SYT1: variants seen among roughly 807,000 people sequenced by gnomAD.
The protein encoded by SYT1 is synaptotagmin-1.
Under a neutral mutation model 44.8 loss-of-function variants are expected in SYT1, and 8 were observed. The observed-to-expected ratio is 0.18, with a 90% CI of 0.10 to 0.32. The LOEUF is 0.32. Ranked by LOEUF, SYT1 falls within the 10% of genes least tolerant of loss-of-function variation. SYT1 has a pLI of 1.00. For missense variants in SYT1, 286 were observed against 509.3 expected (o/e 0.56, Z 4.22); for synonymous variants, 154 against 188.8 (o/e 0.82, Z 1.51).
At chr12:79,105,087 A>T (rs1368111706) in intron 3 of SYT1, among the ~76,000 whole-genome samples, 1 of 152,200 alleles carries the variant, frequency 6.6e-6, no homozygotes, top group Non-Finnish European at 1.5e-5. Flanking sequence ...GCCAAAATAC[A>T]ATTCAAAACA....
intron 3 of SYT1, among the ~76,000 whole-genome samples, chr12:79,093,407 T>C (rs1215775622): frequency 6.6e-6 from 1 of 151,724 alleles, no homozygotes; most frequent in Non-Finnish European, 1.5e-5. Flanking sequence ...TTAACCCAGT[T>C]TTTCTAAGTA....
intron 1 of SYT1, among the ~76,000 whole-genome samples, chr12:78,917,325 C>T (rs1042128698): frequency 2.0e-5 from 3 of 151,958 alleles, no homozygotes; most frequent in Admixed American, 1.3e-4. Flanking sequence ...ATCATCCTGT[C>T]TTCTGAATGT....
intron 3 of SYT1, among the ~76,000 whole-genome samples, chr12:79,084,433 T>G (rs947950064): frequency 6.6e-6 from 1 of 152,142 alleles, no homozygotes; most frequent in Non-Finnish European, 1.5e-5. Flanking sequence ...CAAATAACCA[T>G]GCAGTGGTGA....
chr12:78,986,804 G>C (rs2137464250), intron 2 of SYT1, among the ~76,000 whole-genome samples: 1 of 152,036 alleles, frequency 6.6e-6, no homozygotes, highest in African/African-American at 2.4e-5. Flanking sequence ...GTGATGAGTT[G>C]TTCTCCATAT....
chr12:78,885,654 T>C (rs1195792164), intron 1 of SYT1, among the ~76,000 whole-genome samples: 1 of 151,940 alleles, frequency 6.6e-6, no homozygotes, highest in Non-Finnish European at 1.5e-5. Context: ...GTGGGCCAGG[T>C]GCTGCAGGCT....
intron 9 of SYT1, among the ~76,000 whole-genome samples, chr12:79,437,661 C>T (rs1870168906): frequency 6.6e-6 from 1 of 152,130 alleles, no homozygotes; most frequent in Non-Finnish European, 1.5e-5. Context: ...TCCAAGTTTA[C>T]TTTATATTAT....
At chr12:79,368,559 G>GT (rs1883649360) in intron 9 of SYT1, among the ~76,000 whole-genome samples, 1 of 149,864 alleles carries the variant, frequency 6.7e-6, no homozygotes, top group South Asian at 2.2e-4. Context: ...TCCAGCACCT[G>GT]TTGTTTCCTG....
intron 2 of SYT1, among the ~76,000 whole-genome samples, chr12:79,043,419 G>T (rs1408985344): frequency 5.4e-5 from 8 of 148,116 alleles, no homozygotes; most frequent in Non-Finnish European, 1.5e-5. Context: ...TTGGTTTAAA[G>T]TCTGTTTTAT....
intron 4 of SYT1, among the ~76,000 whole-genome samples, chr12:79,245,310 A>G (rs1876768334): frequency 6.7e-6 from 1 of 149,240 alleles, no homozygotes; most frequent in African/African-American, 2.5e-5. Context: ...TACAAAAAAA[A>G]AAAAAAAAAA....
At chr12:79,448,247 T>G (rs1461958123) in intron 10 of SYT1, among the ~76,000 whole-genome samples, 1 of 152,198 alleles carries the variant, frequency 6.6e-6, no homozygotes, top group East Asian at 1.9e-4. Context: ...CCAGATACAT[T>G]GTAGTTACTC....
At chr12:79,203,186 T>C (rs544409741) in intron 3 of SYT1, among the ~76,000 whole-genome samples, 1 of 152,254 alleles carries the variant, frequency 6.6e-6, no homozygotes, top group African/African-American at 2.4e-5. Flanking sequence ...GTAAGGGAAA[T>C]GTATTATTTT....
chr12:78,958,736 T>C (rs528628275), intron 1 of SYT1, among the ~76,000 whole-genome samples: 96 of 152,076 alleles, frequency 6.3e-4, no homozygotes, highest in African/African-American at 2.3e-3. Flanking sequence ...TTTATGGTGA[T>C]TGAGTTTTAT....
At chr12:79,218,225 T>G (rs1918195) in intron 4 of SYT1, among the ~76,000 whole-genome samples, 106,698 of 151,888 alleles carry the variant, frequency 0.7, 37,939 homozygotes, top group African/African-American at 0.77. Flanking sequence ...TGACATTTAA[T>G]TTTTTAATTT....
At chr12:79,318,060 C>T (rs543475512) in intron 8 of SYT1, among the ~76,000 whole-genome samples, 13 of 152,194 alleles carry the variant, frequency 8.5e-5, no homozygotes, top group African/African-American at 2.6e-4. Flanking sequence ...TGTATGGTTC[C>T]CTAAATGTAC....
At chr12:79,373,181 G>A (rs1235123195) in intron 9 of SYT1, among the ~76,000 whole-genome samples, 2 of 152,110 alleles carry the variant, frequency 1.3e-5, no homozygotes, top group Admixed American at 1.3e-4. Flanking sequence ...AAATGATTGG[G>A]GGAGAGAGGA....
intron 9 of SYT1, among the ~76,000 whole-genome samples, chr12:79,416,688 A>T (rs540829561): frequency 2.6e-5 from 4 of 152,270 alleles, no homozygotes; most frequent in African/African-American, 9.6e-5. Context: ...GCTAAGTCTA[A>T]TTTTTTTGCT....
intron 4 of SYT1, among the ~76,000 whole-genome samples, chr12:79,239,633 T>C (rs1357814818): frequency 6.6e-6 from 1 of 152,200 alleles, no homozygotes; most frequent in Non-Finnish European, 1.5e-5. Flanking sequence ...TTTGCTACAA[T>C]ATTAGTGGCT....
At chr12:79,201,442 A>G (rs183566742) in intron 3 of SYT1, among the ~76,000 whole-genome samples, 2 of 152,332 alleles carry the variant, frequency 1.3e-5, no homozygotes, top group South Asian at 2.1e-4. Flanking sequence ...CGATGTTGCT[A>G]TAAGGCCAAA....
At chr12:79,261,948 C>T (rs1435620827) in intron 4 of SYT1, among the ~76,000 whole-genome samples, 1 of 151,792 alleles carries the variant, frequency 6.6e-6, no homozygotes, top group Non-Finnish European at 1.5e-5. Context: ...TTAAATTTCA[C>T]ACAGTAAAAT....
Sources: gnomAD v4.1 joint callset for allele counts (sites outside exome capture counted in the v4.1 genomes callset) on GRCh38, gnomAD v4.1.1 for gene constraint, MANE v1.5 for transcripts, NCBI Gene and HGNC (gene_info 2026-07-23, HGNC 2026-07-21) for gene names.